Variants in RORA observed in about 807,000 individuals in gnomAD.
RORA encodes RAR related orphan receptor A.
RORA carries 7 observed loss-of-function variants against 69.5 expected under a neutral mutation model. The ratio of observed to expected loss-of-function variants is 0.10; its 90% confidence interval spans 0.06 to 0.19. RORA has a LOEUF of 0.19. RORA is among the 10% of genes least tolerant of loss of function. RORA has a pLI of 1.00. For missense variants in RORA, 457 were observed against 663.0 expected (o/e 0.69, Z 3.41); for synonymous variants, 261 against 240.8 (o/e 1.08, Z -0.78).
chr15:60,628,165 T>G (rs2069642136), intron 2 of RORA, among the ~76,000 whole-genome samples: 1 of 152,216 alleles, frequency 6.6e-6, no homozygotes, highest in Non-Finnish European at 1.5e-5. Context: ...CCTCTTCCTG[T>G]TGCAGGATCC....
rs79452853 is a variant in RORA, at chr15:60,552,900, G to A, written c.197-21049C>T. Among the ~76,000 whole-genome samples, 135 of 152,268 alleles carry A rather than the reference G, an allele frequency of 8.9e-4. 1 individual carries two copies. In the East Asian group the frequency reaches 0.021, roughly 24 times the overall value. ...GCACATGGACCTCTCCATATATGTT[G>A]TCAGATGTCAAGGAGTGGCTTTACA... On this transcript the variant is annotated intron_variant, in intron 2 of 10. Coordinates refer to ENST00000335670, the MANE Select transcript of RORA (RefSeq NM_134261.3).
chr15:61,038,345 A>G (rs1896568348), intron 1 of RORA, among the ~76,000 whole-genome samples: 1 of 152,200 alleles, frequency 6.6e-6, no homozygotes, highest in African/African-American at 2.4e-5. Flanking sequence ...TCTTTGGACC[A>G]GCAGAGGAAA....
chr15:60,779,066 T>C (rs2072215646), intron 1 of RORA, among the ~76,000 whole-genome samples: 1 of 152,200 alleles, frequency 6.6e-6, no homozygotes, highest in African/African-American at 2.4e-5. Flanking sequence ...ATTACTCCCA[T>C]TTTATAGACG....
chr15:60,766,055 T>C (rs2071984408), intron 1 of RORA, among the ~76,000 whole-genome samples: 1 of 152,192 alleles, frequency 6.6e-6, no homozygotes, highest in South Asian at 2.1e-4. Flanking sequence ...AATTATTTAT[T>C]ACGCATAGAA....
intron 1 of RORA, among the ~76,000 whole-genome samples, chr15:60,688,275 A>G (rs1306823586): frequency 3.3e-5 from 5 of 152,180 alleles, no homozygotes; most frequent in Admixed American, 3.3e-4. Flanking sequence ...AAAAATGTAT[A>G]GAAAAAAGAC....
intron 1 of RORA, among the ~76,000 whole-genome samples, chr15:61,169,087 C>G (rs2079563186): frequency 7.0e-6 from 1 of 143,734 alleles, no homozygotes; most frequent in Admixed American, 6.9e-5. Flanking sequence ...CCTGCCAGAG[C>G]ATAAGAACAC....
intron 1 of RORA, among the ~76,000 whole-genome samples, chr15:60,687,538 T>C (rs1054969050): frequency 2.0e-5 from 3 of 152,150 alleles, no homozygotes; most frequent in Non-Finnish European, 4.4e-5. Context: ...TCACTTGAGG[T>C]CAGGAGTTTG....
intron 1 of RORA, among the ~76,000 whole-genome samples, chr15:61,007,111 T>TGCCTGTCCAGGGCTATGAACACCATTG (rs1324071013): frequency 1.3e-5 from 2 of 152,104 alleles, no homozygotes; most frequent in African/African-American, 4.8e-5. Context: ...CTATTATAAC[T>TGCCTGTCCAGGGCTATGAACACCATTG]GCCTGTCCAG....
At chr15:60,774,578 G>A (rs1249577635) in intron 1 of RORA, among the ~76,000 whole-genome samples, 1 of 152,202 alleles carries the variant, frequency 6.6e-6, no homozygotes, top group Non-Finnish European at 1.5e-5. Flanking sequence ...ACTGCCCTGG[G>A]CGGCTACCAG....
At chr15:60,521,371 A>C (rs1000744580) in intron 3 of RORA, among the ~76,000 whole-genome samples, 1 of 151,524 alleles carries the variant, frequency 6.6e-6, no homozygotes, top group Non-Finnish European at 1.5e-5. Flanking sequence ...CCTCCCGAGT[A>C]GCTGGGACTA....
At chr15:60,721,979 G>A (rs1314683194) in intron 1 of RORA, among the ~76,000 whole-genome samples, 1 of 152,236 alleles carries the variant, frequency 6.6e-6, no homozygotes. Flanking sequence ...AACAAACTAT[G>A]CCTGTATTCA....
rs747354303 is a variant in RORA at position 61,229,199 on chromosome 15, G to A, written c.20C>T (p.Ala7Val). The change falls in exon 1 of 11, where the codon GCC becomes GTC. Residue 7 changes from alanine (A) to valine (V), a missense_variant. Physicochemically the swap from Ala to Val is moderately conservative, Grantham distance 64. Around this residue, in one of 3 missense-constraint regions of RORA, gnomAD observed 119 missense variants for 92.4 expected, o/e 1.29. Transcript: ENST00000335670. ...TGGCTCGCTGGCGGCGGGGTCGGGG[G>A]CTGCCGGAGCTGACTCCATGTTTTT... MESAPA[A>V]PDPAASEPGS... 3.3e-5 allele frequency: 51 copies of A among 1,542,634 alleles called. No homozygotes were observed. Among genetic ancestry groups the A allele is most frequent in the Non-Finnish European group, 4.0e-5 (46 of 1,147,828 alleles).
At chr15:60,642,717 CA>C (rs1567138594) in intron 2 of RORA, among the ~76,000 whole-genome samples, 2 of 151,790 alleles carry the variant, frequency 1.3e-5, no homozygotes, top group East Asian at 1.9e-4. Context: ...AAAAAATTTA[CA>C]AAAAAAATTT....
chr15:61,109,565 C>G (rs2078984472), intron 1 of RORA, among the ~76,000 whole-genome samples: 1 of 152,206 alleles, frequency 6.6e-6, no homozygotes, highest in African/African-American at 2.4e-5. Flanking sequence ...AATGGAATAA[C>G]TAAATCTAAC....
At chr15:60,554,819 G>C (rs1460211057) in intron 2 of RORA, among the ~76,000 whole-genome samples, 1 of 152,114 alleles carries the variant, frequency 6.6e-6, no homozygotes, top group Non-Finnish European at 1.5e-5. Flanking sequence ...AAAGAGAAGA[G>C]AGAAGAGCCC....
At chr15:61,228,481 G>A (rs1157232809) in intron 1 of RORA, among the ~76,000 whole-genome samples, 15 of 147,568 alleles carry the variant, frequency 1.0e-4, no homozygotes, top group Non-Finnish European at 1.8e-4. Context: ...CCCAGACCCC[G>A]GAGCGCCCCC....
chr15:60,778,855 T>A (rs2072211840), intron 1 of RORA, among the ~76,000 whole-genome samples: 1 of 152,158 alleles, frequency 6.6e-6, no homozygotes, highest in East Asian at 1.9e-4. Flanking sequence ...ATTAATCTGA[T>A]TACATTTTAT....
At chr15:60,513,282 T>A (rs1183935375) in intron 4 of RORA, among the ~76,000 whole-genome samples, 1 of 152,218 alleles carries the variant, frequency 6.6e-6, no homozygotes, top group Admixed American at 6.5e-5. Context: ...CCTCCAGAAT[T>A]CTTTCTATGC....
chr15:60,887,946 T>C (rs2073769980), intron 1 of RORA, among the ~76,000 whole-genome samples: 1 of 152,200 alleles, frequency 6.6e-6, no homozygotes, highest in Non-Finnish European at 1.5e-5. Context: ...AGCAGGCTAA[T>C]AAGAGCCCAA....
Sources: allele counts gnomAD v4.1 joint callset (sites outside exome capture counted in the v4.1 genomes callset), GRCh38; gene constraint gnomAD v4.1.1; regional missense constraint gnomAD v4.1.1; transcripts MANE v1.5; gene names NCBI Gene and HGNC (gene_info 2026-07-23, HGNC 2026-07-21).